Variants in B3GALT1 observed in about 807,000 individuals in gnomAD.
B3GALT1 encodes the protein beta-1,3-galactosyltransferase 1.
A neutral mutation model predicts 23.2 loss-of-function variants in B3GALT1; 10 were observed. The ratio of observed to expected loss-of-function variants is 0.43; its 90% CI spans 0.27 to 0.73. The LOEUF is 0.73. Ranked by LOEUF, B3GALT1 falls within the 30% of genes least tolerant of loss-of-function variation. The pLI, the probability that B3GALT1 is intolerant of heterozygous loss-of-function variation, is 0.21. For synonymous variants in B3GALT1, 156 were observed against 141.5 expected (o/e 1.10, Z -0.73); for missense variants, 299 against 405.4 (o/e 0.74, Z 2.25).
At chr2:167,800,193 C>A (rs1688614965) in intron 3 of B3GALT1, among the ~76,000 whole-genome samples, 1 of 152,192 alleles carries the variant, frequency 6.6e-6, no homozygotes, top group South Asian at 2.1e-4. Context: ...CTTTTCCCAT[C>A]ATTTTATTTC....
intron 4 of B3GALT1, among the ~76,000 whole-genome samples, chr2:167,851,297 G>A (rs1254648056): frequency 6.6e-6 from 1 of 151,984 alleles, no homozygotes; most frequent in Non-Finnish European, 1.5e-5. Context: ...AAACCAAAAG[G>A]TGATAACCAG....
chr2:167,808,744 A>T (rs1207045638), intron 3 of B3GALT1, among the ~76,000 whole-genome samples: 2 of 152,034 alleles, frequency 1.3e-5, no homozygotes, highest in African/African-American at 4.8e-5. Context: ...ACTTTGGTGA[A>T]TCTGACAATT....
At chr2:167,709,483 T>G (rs1327076182) in intron 3 of B3GALT1, among the ~76,000 whole-genome samples, 1 of 152,142 alleles carries the variant, frequency 6.6e-6, no homozygotes, top group African/African-American at 2.4e-5. Flanking sequence ...CAAGATGTCA[T>G]TGGGTTTTTG....
chr2:167,485,765 C>T (rs1166500225), intron 1 of B3GALT1, among the ~76,000 whole-genome samples: 1 of 152,014 alleles, frequency 6.6e-6, no homozygotes, highest in Non-Finnish European at 1.5e-5. Flanking sequence ...AAAATTTACT[C>T]CCAAGTCACT....
chr2:167,732,472 C>A, intron 3 of B3GALT1, among the ~76,000 whole-genome samples: 1 of 152,236 alleles, frequency 6.6e-6, no homozygotes, highest in Admixed American at 6.5e-5. Context: ...TCCACAGCAC[C>A]GGAGCCAACA....
chr2:167,325,720 T>C (rs1313468691), intron 1 of B3GALT1, among the ~76,000 whole-genome samples: 1 of 131,116 alleles, frequency 7.6e-6, no homozygotes, highest in Non-Finnish European at 1.7e-5. Context: ...TTTTTTTTTT[T>C]TTTTTTTCTT....
intron 3 of B3GALT1, among the ~76,000 whole-genome samples, chr2:167,794,275 A>T (rs753107717): frequency 1.3e-5 from 2 of 152,210 alleles, no homozygotes; most frequent in East Asian, 1.9e-4. Flanking sequence ...CCTTACAGTG[A>T]GCCTAATGAA....
At chr2:167,430,773 C>T (rs1698694540) in intron 1 of B3GALT1, among the ~76,000 whole-genome samples, 1 of 152,086 alleles carries the variant, frequency 6.6e-6, no homozygotes, top group African/African-American at 2.4e-5. Flanking sequence ...TTGGCATCAA[C>T]ATTATCATCA....
At chr2:167,846,870 C>G (rs988935080) in intron 4 of B3GALT1, among the ~76,000 whole-genome samples, 1 of 152,116 alleles carries the variant, frequency 6.6e-6, no homozygotes, top group Non-Finnish European at 1.5e-5. Context: ...AGGAGACTCA[C>G]GTAGCCCATA....
chr2:167,722,032 G>A (rs1240519568), intron 3 of B3GALT1, among the ~76,000 whole-genome samples: 1 of 152,160 alleles, frequency 6.6e-6, no homozygotes, highest in Non-Finnish European at 1.5e-5. Context: ...ACCCTTGGCT[G>A]TAGTATTCTC....
intron 3 of B3GALT1, among the ~76,000 whole-genome samples, chr2:167,778,864 G>T (rs1688204134): frequency 6.6e-6 from 1 of 152,156 alleles, no homozygotes; most frequent in Admixed American, 6.5e-5. Flanking sequence ...CTGGACTGAG[G>T]GGAGGGGACC....
intron 1 of B3GALT1, among the ~76,000 whole-genome samples, chr2:167,425,565 C>A (rs1219775270): frequency 6.6e-6 from 1 of 152,210 alleles, no homozygotes; most frequent in East Asian, 1.9e-4. Flanking sequence ...CATTTGCAAG[C>A]TGTGCAGACC....
chr2:167,646,551 C>G (rs2105460115), intron 2 of B3GALT1, among the ~76,000 whole-genome samples: 1 of 152,256 alleles, frequency 6.6e-6, no homozygotes, highest in Admixed American at 6.5e-5. Context: ...CCCCACCTGC[C>G]ATCACAGGAT....
intron 1 of B3GALT1, among the ~76,000 whole-genome samples, chr2:167,308,571 T>C (rs1406263813): frequency 6.6e-6 from 1 of 152,012 alleles, no homozygotes; most frequent in Admixed American, 6.6e-5. Context: ...ATGTAGTCAG[T>C]TGAAAAATGA....
intron 1 of B3GALT1, among the ~76,000 whole-genome samples, chr2:167,338,033 TG>T (rs1697086365): frequency 6.6e-6 from 1 of 152,280 alleles, no homozygotes; most frequent in South Asian, 2.1e-4. Context: ...TCTGTGTGAC[TG>T]AAAGAAACAC....
chr2:167,839,455 G>A (rs1168359335), intron 4 of B3GALT1, among the ~76,000 whole-genome samples: 1 of 152,210 alleles, frequency 6.6e-6, no homozygotes, highest in Non-Finnish European at 1.5e-5. Context: ...AAAATACCTA[G>A]GAATCCAACT....
At chr2:167,314,375 T>C (rs1696679388) in intron 1 of B3GALT1, among the ~76,000 whole-genome samples, 1 of 152,176 alleles carries the variant, frequency 6.6e-6, no homozygotes, top group African/African-American at 2.4e-5. Context: ...CTTTTACTTG[T>C]ATAACATTAT....
At position 167,436,688 on chromosome 2, in the gene B3GALT1, G is replaced by A. The variant is rs77922587; in HGVS notation, c.-510-53489G>A. 5.5e-3 allele frequency among the ~76,000 whole-genome samples: 835 copies of A among 151,776 alleles called. 8 individuals are homozygous for A. The highest frequency in any genetic ancestry group is 0.019 in the African/African-American group (801 of 41,360). ...ACTTTCATCTCTTACTTTGTATACA[G>A]GTAAAATCCATACCACCCTAATACA... On this transcript the variant is annotated intron_variant, in intron 1 of 4. Coordinates refer to ENST00000392690, the MANE Select transcript of B3GALT1 (RefSeq NM_020981.4).
chr2:167,717,817 T>C (rs1199913127), intron 3 of B3GALT1, among the ~76,000 whole-genome samples: 1 of 152,208 alleles, frequency 6.6e-6, no homozygotes, highest in African/African-American at 2.4e-5. Context: ...TTTCCAGCCA[T>C]ACATGAAGTT....
Sources: allele counts gnomAD v4.1 joint callset (sites outside exome capture counted in the v4.1 genomes callset), GRCh38; gene constraint gnomAD v4.1.1; transcripts MANE v1.5; gene names NCBI Gene and HGNC (gene_info 2026-07-23, HGNC 2026-07-21).